PDE4D: variants seen among roughly 807,000 people sequenced by gnomAD.
The protein encoded by PDE4D is phosphodiesterase 4D.
Under a neutral mutation model 87.4 loss-of-function variants are expected in PDE4D, and 24 were observed. The observed-to-expected ratio is 0.27, with a 90% confidence interval of 0.20 to 0.39. The LOEUF (loss-of-function observed/expected upper bound fraction) is 0.39. Among genes scored for constraint, PDE4D ranks in the 10% least tolerant of loss-of-function variants. PDE4D has a pLI of 1.00. For missense variants in PDE4D, 714 were observed against 1,041.0 expected, an observed-to-expected ratio of 0.69 and a Z score of 4.32; for synonymous variants, 384 against 383.2, an observed-to-expected ratio of 1.00 and a Z score of -0.02.
intron 2 of PDE4D, 187 bp from the exon 3 acceptor site, chr5:59,193,723 A>G: frequency 1.2e-5 from 12 of 985,354 alleles, no homozygotes; most frequent in Non-Finnish European, 1.4e-5. Context: ...GATGTTAACA[A>G]TTGTCCAACT....
chr5:59,586,418 G>T (rs751214912), intron 1 of PDE4D: 3 of 1,593,952 alleles, frequency 1.9e-6, no homozygotes, highest in Middle Eastern at 3.3e-4. Context: ...TGTCTCCTAC[G>T]TTACATGTAG....
chr5:58,981,753 C>T (rs1047714605), intron 11 of PDE4D, among the ~76,000 whole-genome samples: 2 of 152,014 alleles, frequency 1.3e-5, no homozygotes, highest in African/African-American at 2.4e-5. Context: ...GTGGGGTGAC[C>T]GAAACCTTCA....
At chr5:59,249,725 T>C (rs757017348) in intron 1 of PDE4D, among the ~76,000 whole-genome samples, 1 of 152,196 alleles carries the variant, frequency 6.6e-6, no homozygotes, top group Non-Finnish European at 1.5e-5. Flanking sequence ...ATTAGTATCA[T>C]ACTTGCTTGG....
At chr5:60,319,679 G>A (rs893044674) in intron 1 of PDE4D, among the ~76,000 whole-genome samples, 1 of 152,194 alleles carries the variant, frequency 6.6e-6, no homozygotes, top group Non-Finnish European at 1.5e-5. Context: ...TGTCCTTTCT[G>A]TTTGTTAGTT....
chr5:59,256,812 T>C (rs1047501350), intron 1 of PDE4D, among the ~76,000 whole-genome samples: 13 of 152,074 alleles, frequency 8.5e-5, no homozygotes, highest in African/African-American at 3.1e-4. Context: ...ATGGTAGATA[T>C]TAACTAACAA....
At position 59,360,847 on chromosome 5, in the gene PDE4D, G is replaced by A. The variant is rs138860057; in HGVS notation, c.456-144879C>T. ...GGTCTTAAGAACACTGGGAAAGCATGCTCTGTGTTTTAAGCTTCTACAATT... is the reference window on the plus strand; with the variant it reads ...GGTCTTAAGAACACTGGGAAAGCATACTCTGTGTTTTAAGCTTCTACAATT... On this transcript the variant is annotated intron_variant, in intron 1 of 14. Transcript: ENST00000340635. 6.1e-3 allele frequency among the ~76,000 whole-genome samples: 933 copies of A among 152,240 alleles called. 10 individuals are homozygous for A. Among genetic ancestry groups the A allele is most frequent in the African/African-American group, 0.021 (882 of 41,552 alleles).
chr5:59,768,139 G>A (rs147382462), intron 1 of PDE4D: 24 of 1,338,618 alleles, frequency 1.8e-5, no homozygotes, highest in African/African-American at 2.9e-5. Flanking sequence ...AATCCCCGGT[G>A]AGGAATGATG....
chr5:59,914,171 A>C (rs1253456740), intron 3 of PDE4D, among the ~76,000 whole-genome samples: 1 of 152,186 alleles, frequency 6.6e-6, no homozygotes, highest in African/African-American at 2.4e-5. Context: ...GTGCTAGACT[A>C]TGGCACAAAT....
chr5:59,814,947 G>A (rs906508531), intron 1 of PDE4D, among the ~76,000 whole-genome samples: 1 of 152,168 alleles, frequency 6.6e-6, no homozygotes, highest in Non-Finnish European at 1.5e-5. Flanking sequence ...CAAGAAGGTG[G>A]CTAAGAACAG....
At chr5:59,864,153 C>CGGGTA in intron 1 of PDE4D, among the ~76,000 whole-genome samples, 1 of 152,212 alleles carries the variant, frequency 6.6e-6, no homozygotes, top group Non-Finnish European at 1.5e-5. Context: ...GTGCGATGTG[C>CGGGTA]GGGTAGACAT....
chr5:59,922,482 G>A (rs943965574), intron 3 of PDE4D, among the ~76,000 whole-genome samples: 47 of 152,214 alleles, frequency 3.1e-4, no homozygotes, highest in African/African-American at 1.0e-3. Flanking sequence ...GAAGAGTAGA[G>A]GCCTTTGTCT....
intron 1 of PDE4D, among the ~76,000 whole-genome samples, chr5:59,433,905 G>C (rs1796453367): frequency 6.6e-6 from 1 of 152,004 alleles, no homozygotes; most frequent in Admixed American, 6.6e-5. Context: ...CAATCCATAG[G>C]ACTTTTCTTC....
chr5:60,258,939 T>C (rs1435510264), intron 1 of PDE4D, among the ~76,000 whole-genome samples: 3 of 152,160 alleles, frequency 2.0e-5, no homozygotes, highest in South Asian at 2.1e-4. Flanking sequence ...GCAGGAAATA[T>C]GTCTAGAGAG....
At position 58,975,101 on chromosome 5, in the gene PDE4D, G is replaced by C; in HGVS notation, c.2014-21C>G. On this transcript the variant is annotated intron_variant, in intron 14 of 14. Coordinates refer to ENST00000340635, the MANE Select transcript of PDE4D (RefSeq NM_001104631.2). The surrounding 1 kb of genome is among the most constrained non-coding windows in gnomAD (Gnocchi z 4.2). ...CCCACCTAGTTAAGAAAAAAATCCAGTATGAGTAGAGGACTTGGGACTAAG... is the reference window on the plus strand; with the variant it reads ...CCCACCTAGTTAAGAAAAAAATCCACTATGAGTAGAGGACTTGGGACTAAG... 3 of 1,431,256 alleles carry C rather than the reference G, an allele frequency of 2.1e-6. No homozygotes were observed. The South Asian group carries it at 5.1e-5, about 24-fold the overall frequency. The allele number at this position is 1,431,256 out of a possible 1,614,324, so 88.7% of individuals were successfully genotyped here.
chr5:60,487,533 TATA>T (rs1749249479), intron 1 of PDE4D, among the ~76,000 whole-genome samples: 1 of 152,184 alleles, frequency 6.6e-6, no homozygotes, highest in South Asian at 2.1e-4. Flanking sequence ...AAGCATTTAT[TATA>T]ATATTTGCTG....
rs191225850 is a variant in PDE4D, at chr5:60,031,031, T to A, written c.43-42314A>T. 30 of 152,358 alleles carry A rather than the reference T, an allele frequency of 2.0e-4. No individual in the cohort carries two copies. The East Asian group carries it at 5.6e-3, about 28-fold the overall frequency. 9.4% of individuals were successfully genotyped at this position (152,358 alleles called of 1,614,324 possible). On this transcript the variant is annotated intron_variant, in intron 2 of 16. Transcript: ENST00000502484. ...TCAATGTTCCCATAATTTATGCTTTTGTTGAAAATAGATATAGAATAATGT... is the reference window on the plus strand; with the variant it reads ...TCAATGTTCCCATAATTTATGCTTTAGTTGAAAATAGATATAGAATAATGT...
At chr5:59,401,376 C>A (rs896856800) in intron 1 of PDE4D, among the ~76,000 whole-genome samples, 1 of 151,980 alleles carries the variant, frequency 6.6e-6, no homozygotes, top group Non-Finnish European at 1.5e-5. Flanking sequence ...GTTACAGTGA[C>A]CTATGGTCAT....
chr5:60,028,050 C>T (rs1582247440), intron 2 of PDE4D, among the ~76,000 whole-genome samples: 1 of 152,166 alleles, frequency 6.6e-6, no homozygotes, highest in Admixed American at 6.5e-5. Flanking sequence ...ATACTTCTCT[C>T]TTATTTCACT....
intron 1 of PDE4D, among the ~76,000 whole-genome samples, chr5:60,392,234 C>T (rs1194203234): frequency 6.6e-6 from 1 of 152,206 alleles, no homozygotes; most frequent in African/African-American, 2.4e-5. Context: ...TAAAGTACCA[C>T]ATTATCACTT....
Sources: gnomAD v4.1 joint callset for allele counts (sites outside exome capture counted in the v4.1 genomes callset) on GRCh38, gnomAD v4.1.1 for gene constraint, Gnocchi (gnomAD v3.1) non-coding constraint, MANE v1.5 for transcripts, NCBI Gene and HGNC (gene_info 2026-07-23, HGNC 2026-07-21) for gene names.